The following TMPRSS6 variants were observed in gnomAD, a reference collection of about 807,000 sequenced individuals.
TMPRSS6 encodes the protein transmembrane protease serine 6.
TMPRSS6 carries 67 observed loss-of-function variants against 101.5 expected under a neutral mutation model. That is an observed-to-expected ratio of 0.66 (90% CI 0.54 to 0.81). TMPRSS6 has a LOEUF of 0.81. TMPRSS6 is among the 30% of genes least tolerant of loss of function. TMPRSS6 has a pLI of 0.00. For synonymous variants in TMPRSS6, 453 were observed against 464.9 expected (o/e 0.97, Z 0.33); for missense variants, 1,034 against 1,088.7 (o/e 0.95, Z 0.71).
In TMPRSS6 at chr22:37,086,270, C is replaced by A; in HGVS notation, c.973+13G>T. The A allele has an allele frequency of 6.2e-7, 1 of 1,613,998 alleles. No individual in the cohort carries two copies. Among genetic ancestry groups the A allele is most frequent in the Non-Finnish European group, 8.5e-7 (1 of 1,179,976 alleles). On this transcript the variant is annotated intron_variant, in intron 8 of 17. Transcript: ENST00000676104. Reference sequence around the variant, plus strand: ...CCACCCCTCCCCTGCCCCAGGGACCCCTGACCTCTCACCCTGGAAGACCAC... The same window carrying A: ...CCACCCCTCCCCTGCCCCAGGGACCACTGACCTCTCACCCTGGAAGACCAC...
At position 37,089,523 on chromosome 22, in the gene TMPRSS6, C is replaced by G; in HGVS notation, c.836+55G>C. 3 of 1,510,432 alleles carry G rather than the reference C, an allele frequency of 2.0e-6. No individual in the cohort carries two copies. The Admixed American group carries it at 5.7e-5, about 29-fold the overall frequency. The allele number at this position is 1,510,432 out of a possible 1,614,324, so 93.6% of individuals were successfully genotyped here. On this transcript the variant is annotated intron_variant, in intron 7 of 17. Coordinates refer to ENST00000676104, the MANE Select transcript of TMPRSS6 (RefSeq NM_001374504.1). ...TGCTGTGTGTGACTTTCAACTCCCC[C>G]ATCAACCACTCCCTTTTCCAGCCCT...
chr22:37,089,375 C>T (rs1009726972), intron 7 of TMPRSS6, among the ~76,000 whole-genome samples: 2 of 152,022 alleles, frequency 1.3e-5, no homozygotes, highest in Non-Finnish European at 2.9e-5. Flanking sequence ...AACTGAGGCT[C>T]GCGGAGGGGA....
chr22:37,084,906 T>G (rs1340592651), intron 8 of TMPRSS6, 67 bp from the exon 9 acceptor site: 1 of 1,248,922 alleles, frequency 8.0e-7, no homozygotes, highest in Admixed American at 2.0e-5. Context: ...CTGGCGCAGC[T>G]TGTAACCCCA....
chr22:37,072,990 A>AGATGGATGATG (rs1239157917), intron 13 of TMPRSS6, among the ~76,000 whole-genome samples: 2 of 96,684 alleles, frequency 2.1e-5, no homozygotes, highest in Non-Finnish European at 4.3e-5. Flanking sequence ...ATGGATGGAT[A>AGATGGATGATG]GATGGATGAT....
chr22:37,070,409 G>A, intron 15 of TMPRSS6, 75 bp downstream of exon 15: 1 of 1,582,582 alleles, frequency 6.3e-7, no homozygotes, highest in Non-Finnish European at 8.7e-7. Context: ...AAAGAGCTCA[G>A]ACACAGTGCA....
Position 37,070,601 on chromosome 22 carries a change from G to A in TMPRSS6, c.1724C>T (p.Ser575Phe), listed in dbSNP as rs757002229. The change falls in exon 15 of 18, where the codon TCC becomes TTC. Residue 575 changes from serine (S) to phenylalanine (F), a missense_variant. Transcript: ENST00000676104. ...SSRIVGGAVS[S>F]EGEWPWQASL... ...GGCCTGCCATGGCCACTCACCCTCG[G>A]AGGACACAGCTCCACCAACAATGCG... is the stretch of plus-strand genomic sequence containing the variant. 1.4e-5 allele frequency: 23 copies of A among 1,613,158 alleles called. No homozygotes were observed. Among genetic ancestry groups the A allele is most frequent in the Non-Finnish European group, 1.9e-5 (23 of 1,180,034 alleles).
rs115307785 is a variant in TMPRSS6, at chr22:37,104,474, C to T, written c.-1-1056G>A. The stretch of plus-strand genomic sequence containing the variant: ...ATTAAATAGCAACTGAATGTCGCCC[C>T]TCTCCACGCTCCAGGGTTCCAACTC... On this transcript the variant is annotated intron_variant, in intron 1 of 17. Coordinates refer to ENST00000676104, the MANE Select transcript of TMPRSS6 (RefSeq NM_001374504.1). 7.0e-3 allele frequency among the ~76,000 whole-genome samples: 1,060 copies of T among 152,284 alleles called. 8 individuals carry two copies. Among genetic ancestry groups the T allele is most frequent in the African/African-American group, 0.024 (1,011 of 41,550 alleles).
rs1930495487 is a variant in TMPRSS6, at chr22:37,103,386, C to T, written c.32G>A (p.Gly11Asp). Residue 11 changes from glycine to aspartate, a missense_variant, in exon 2 of 18, where the codon GGC (glycine) becomes GAC (aspartate). By Grantham distance (94) the Gly-to-Asp change is moderately conservative (BLOSUM62 -1). Coordinates refer to ENST00000676104, the MANE Select transcript of TMPRSS6 (RefSeq NM_001374504.1). This position sits in a 1 kb window ranked among gnomAD's most constrained non-coding sequence, Gnocchi z 4.4. MPVAEAPQVAGGQGDGGDGEE... is the reference protein window; with the variant it reads MPVAEAPQVADGQGDGGDGEE... The stretch of plus-strand genomic sequence containing the variant: ...GCCATCACCTCCGTCCCCCTGCCCG[C>T]CAGCCACCTGGGGGGCCTCGGCCAC... 1 of 1,614,220 alleles carries T rather than the reference C, an allele frequency of 6.2e-7. No homozygotes were observed. The highest frequency in any genetic ancestry group is 8.5e-7 in the Non-Finnish European group (1 of 1,180,034).
In TMPRSS6 at chr22:37,074,813, A is replaced by G. The variant is rs1282125463; in HGVS notation, c.1343-105T>C. 23 of 1,193,514 alleles carry G rather than the reference A, an allele frequency of 1.9e-5. No homozygotes were observed. The East Asian group carries it at 3.2e-4, about 17-fold the overall frequency. 73.9% of individuals were successfully genotyped at this position (1,193,514 alleles called of 1,614,324 possible). A position where few individuals can be genotyped will look rare whatever the true frequency, so the allele number is the denominator to read the frequency against. On this transcript the variant is annotated intron_variant, in intron 11 of 17. Coordinates refer to ENST00000676104, the MANE Select transcript of TMPRSS6 (RefSeq NM_001374504.1). Reference sequence around the variant, plus strand: ...CATGCACCTGTTCACTCACACGCGCATGGACAGGCACCCACAGACGTGGTC... The same window carrying G: ...CATGCACCTGTTCACTCACACGCGCGTGGACAGGCACCCACAGACGTGGTC...
intron 6 of TMPRSS6, among the ~76,000 whole-genome samples, chr22:37,092,412 C>T (rs1001912215): frequency 2.0e-5 from 3 of 152,148 alleles, no homozygotes; most frequent in African/African-American, 7.2e-5. Context: ...ATTGCAGCCT[C>T]GACCTCCTGA....
At chr22:37,100,799 G>A (rs1470752429) in intron 2 of TMPRSS6, among the ~76,000 whole-genome samples, 5 of 152,146 alleles carry the variant, frequency 3.3e-5, no homozygotes, top group East Asian at 1.9e-4. Flanking sequence ...ATGAGATCAC[G>A]AAAGAAGCGG....
rs1446348538 is a variant in TMPRSS6, at chr22:37,069,200, C to T, written c.1986G>A (p.Leu662=). 6.2e-7 allele frequency: 1 copy of T among 1,603,136 alleles called. No homozygotes were observed. The highest frequency in any genetic ancestry group is 8.5e-7 in the Non-Finnish European group (1 of 1,175,772). ...GCACCACCGGGTGGTCGAGCTGCAG[C>T]AGCGCCACGTCGTAGTCATGGCTGT... ...EEDSHDYDVA[L]LQLDHPVVRS... Residue 662 remains leucine (L), a synonymous_variant, in exon 16 of 18, where the codon CTG becomes CTA. Coordinates refer to ENST00000676104, the MANE Select transcript of TMPRSS6 (RefSeq NM_001374504.1). This position sits in a 1 kb window ranked among gnomAD's most constrained non-coding sequence, Gnocchi z 4.8.
intron 2 of TMPRSS6, among the ~76,000 whole-genome samples, chr22:37,099,927 G>C (rs191863056): frequency 8.2e-6 from 1 of 121,952 alleles, no homozygotes; most frequent in Non-Finnish European, 2.0e-5. Flanking sequence ...TGGGTAAGAT[G>C]GGAGGAATGG....
chr22:37,072,042 G>A (rs1926980136), intron 13 of TMPRSS6, among the ~76,000 whole-genome samples: 1 of 150,936 alleles, frequency 6.6e-6, no homozygotes, highest in Admixed American at 6.6e-5. Context: ...ATGGATGGAT[G>A]GTGGATGGAT....
chr22:37,078,973 AAAAG>A (rs71193296), intron 10 of TMPRSS6, among the ~76,000 whole-genome samples: 52 of 106,590 alleles, frequency 4.9e-4, no homozygotes, highest in Admixed American at 2.1e-3. Context: ...GAAAGAAAGA[AAAAG>A]AAAGAAAGAA....
chr22:37,070,961 C>T lies in TMPRSS6; in HGVS notation c.1627G>A (p.Asp543Asn), dbSNP rs76970337. 993 of 1,613,400 alleles carry T rather than the reference C, an allele frequency of 6.2e-4. 5 individuals carry two copies. In the African/African-American group the frequency reaches 0.011, roughly 19 times the overall value. The change falls in exon 14 of 18, where the codon GAT becomes AAT. Residue 543 changes from aspartate (D) to asparagine (N), a missense_variant. Physicochemically the swap from Asp to Asn is conservative, Grantham distance 23. Transcript: ENST00000676104. ...CCGTCCCTGCAGTCGGGCCGCCCAT[C>T]ACACTGCGGGTTGGGCTTCTTCACG... ...SCVKKPNPQCDGRPDCRDGSD... is the reference protein window; with the variant it reads ...SCVKKPNPQCNGRPDCRDGSD...
chr22:37,080,735 A>C (rs1204561109), intron 10 of TMPRSS6, among the ~76,000 whole-genome samples: 1 of 152,224 alleles, frequency 6.6e-6, no homozygotes. Flanking sequence ...CCTTAATGAA[A>C]GTCTGAGAAG....
At chr22:37,092,091 C>CTTT (rs11319214) in intron 6 of TMPRSS6, among the ~76,000 whole-genome samples, 6 of 143,300 alleles carry the variant, frequency 4.2e-5, no homozygotes, top group African/African-American at 1.3e-4. Flanking sequence ...AATAATTACC[C>CTTT]TTTTTTTTTT....
chr22:37,074,834 T>C (rs1927476583), intron 11 of TMPRSS6, 126 bp from the exon 12 acceptor site: 1 of 1,011,202 alleles, frequency 9.9e-7, no homozygotes. Flanking sequence ...CCCACAGACG[T>C]GGTCCTGGGC....
Sources: allele counts gnomAD v4.1 joint callset (sites outside exome capture counted in the v4.1 genomes callset), GRCh38; gene constraint gnomAD v4.1.1; non-coding constraint Gnocchi (gnomAD v3.1); transcripts MANE v1.5; gene names NCBI Gene and HGNC (gene_info 2026-07-23, HGNC 2026-07-21).